LILRB2: variants seen among roughly 807,000 people sequenced by gnomAD.
LILRB2 encodes leukocyte immunoglobulin-like receptor subfamily B member 2.
Under a neutral mutation model 72.7 loss-of-function variants are expected in LILRB2, and 47 were observed. The ratio of observed to expected loss-of-function variants is 0.65; its 90% confidence interval spans 0.51 to 0.82. The LOEUF (loss-of-function observed/expected upper bound fraction) is 0.82. Ranked by LOEUF, LILRB2 falls within the 40% of genes least tolerant of loss-of-function variation. LILRB2 has a pLI of 0.00. For missense variants in LILRB2, 767 were observed against 764.8 expected (o/e 1.00, Z -0.03); for synonymous variants, 279 against 313.7 (o/e 0.89, Z 1.17).
At position 54,276,883 on chromosome 19, in the gene LILRB2, G is replaced by A. The variant is rs774293321; in HGVS notation, c.1404C>T (p.Val468=). 8.7e-6 allele frequency: 14 copies of A among 1,614,034 alleles called. No homozygotes were observed. In the South Asian group the frequency reaches 1.3e-4, roughly 15 times the overall value. ...GGAGGAGGAGGAGGAGCAGTAGGAC[G>A]ACGGCCACCAAGATGCCGATCACAA... is the stretch of plus-strand genomic sequence containing the variant. ...LGVVIGILVA[V]VLLLLLLLLL... is the part of the protein sequence containing the mutation. The change falls in exon 10 of 14, where the codon GTC becomes GTT. Residue 468 remains valine (V), a synonymous_variant. Transcript: ENST00000314446.
At chr19:54,277,814 G>A in intron 8 of LILRB2, 75 bp downstream of exon 8, 3 of 1,365,442 alleles carry the variant, frequency 2.2e-6, no homozygotes, top group Non-Finnish European at 3.1e-6. Context: ...TGAAGGGAAT[G>A]GGATCCTCCT....
chr19:54,280,194 C>T (rs1324997273), intron 3 of LILRB2, 70 bp downstream of exon 3: 1 of 1,612,940 alleles, frequency 6.2e-7, no homozygotes, highest in Non-Finnish European at 8.5e-7. Context: ...TCCCCATCCC[C>T]AGCTGCACGG....
chr19:54,277,889 CA>C lies in LILRB2; in HGVS notation c.1308del (p.Gly437AlafsTer25). On this transcript the variant is annotated frameshift_variant and splice_region_variant, in exon 8 of 14. Transcript: ENST00000314446. LOFTEE classifies it high-confidence loss of function. ...CGAGCCAGAGGCCTCAGGGACTCAC[CA>C]GGTGTGGAGATGGGACCGGTGGGTG... is the stretch of plus-strand genomic sequence containing the variant. ...SPPPTGPISTPGPEDQPLTPT... is the reference protein window; with the variant it reads ...SPPPTGPISTXGPEDQPLTPT... 6.5e-7 allele frequency: 1 copy of C among 1,548,724 alleles called. No homozygotes were observed. Among genetic ancestry groups the C allele is most frequent in the Non-Finnish European group, 8.7e-7 (1 of 1,144,882 alleles).
Position 54,275,026 on chromosome 19 carries a change from G to T in LILRB2, c.1648-197C>A, listed in dbSNP as rs550786926. The T allele has an allele frequency of 1.1e-4, 174 of 1,608,708 alleles. No individual in the cohort carries two copies. The African/African-American group carries it at 2.0e-3, about 19-fold the overall frequency. On this transcript the variant is annotated intron_variant, in intron 13 of 13. Transcript: ENST00000314446. ...CCTAGGTCTGGAGTGTTTCACCGGG[G>T]CATATGTCACTGCCTGGGGGTCTTC...
In LILRB2 at chr19:54,275,881, A is replaced by G. The variant is rs1037976667; in HGVS notation, c.1647+70T>C. 12 of 1,574,322 alleles carry G rather than the reference A, an allele frequency of 7.6e-6. No homozygotes were observed. In the African/African-American group the frequency reaches 1.1e-4, roughly 14 times the overall value. Reference sequence around the variant, plus strand: ...TGCTGAGAGCCGGGGGAAGGAGGACAGAGAAGTCCTGCTGGATTAGATCTG... The same window carrying G: ...TGCTGAGAGCCGGGGGAAGGAGGACGGAGAAGTCCTGCTGGATTAGATCTG... On this transcript the variant is annotated intron_variant, in intron 13 of 13. Transcript: ENST00000314446.
At chr19:54,279,697 C>T (rs774032901) in intron 4 of LILRB2, 50 bp from the exon 5 acceptor site, 4 of 1,596,128 alleles carry the variant, frequency 2.5e-6, no homozygotes, top group Non-Finnish European at 3.4e-6. Flanking sequence ...CCTCCCACAT[C>T]ATCCCCAGGG....
intron 13 of LILRB2, 38 bp downstream of exon 13, chr19:54,275,913 G>A (rs1197286159): frequency 7.5e-6 from 12 of 1,608,940 alleles, no homozygotes; most frequent in Middle Eastern, 1.7e-4. Flanking sequence ...TCTGGCACCA[G>A]GAGGCCTTTG....
At position 54,275,849 on chromosome 19, in the gene LILRB2, G is replaced by C. The variant is rs933953770; in HGVS notation, c.1647+102C>G. ...CGTGCTGGACAAGGAGGGGTCCACCGTGACGATGCTGAGAGCCGGGGGAAG... is the reference window on the plus strand; with the variant it reads ...CGTGCTGGACAAGGAGGGGTCCACCCTGACGATGCTGAGAGCCGGGGGAAG... On this transcript the variant is annotated intron_variant, in intron 13 of 13. Coordinates refer to ENST00000314446, the MANE Select transcript of LILRB2 (RefSeq NM_001080978.4). The C allele has an allele frequency of 1.5e-5, 22 of 1,447,632 alleles. No homozygotes were observed. The African/African-American group carries it at 2.1e-4, about 14-fold the overall frequency. 89.7% of individuals were successfully genotyped at this position (1,447,632 alleles called of 1,614,324 possible). A position where few individuals can be genotyped will look rare whatever the true frequency, so the allele number is the denominator to read the frequency against.
rs879204879 is a variant in LILRB2 at position 54,275,759 on chromosome 19, C to T, written c.1647+192G>A. The T allele has an allele frequency of 6.0e-5, 47 of 787,886 alleles. 2 individuals carry two copies. Among genetic ancestry groups the T allele is most frequent in the African/African-American group, 1.2e-4 (7 of 58,336 alleles). 48.8% of individuals were successfully genotyped at this position (787,886 alleles called of 1,614,324 possible). ...GAGGATGAGGAGCAGGAAGGGGACC[C>T]GGGAGGAGGCCCACGAGGTCCCAGG... On this transcript the variant is annotated intron_variant, in intron 13 of 13. Transcript: ENST00000314446.
rs1408612820 is a variant in LILRB2, at chr19:54,278,559, T to C, written c.959A>G (p.Gln320Arg). Residue 320 changes from glutamine (Q) to arginine (R), a missense_variant, in exon 7 of 14, where the codon CAG (glutamine) becomes CGG (arginine). Transcript: ENST00000314446. ...TGAGATGAAGGGTGTGCCACGGATC[T>C]GTCCTGGAGAGAAGAAGGATGGGTG... ...SDPLDILITG[Q>R]IRGTPFISVQ... The C allele has an allele frequency of 6.2e-7, 1 of 1,613,454 alleles. No homozygotes were observed. The highest frequency in any genetic ancestry group is 8.5e-7 in the Non-Finnish European group (1 of 1,179,566).
chr19:54,277,819 C>T (rs1468356645), intron 8 of LILRB2, 70 bp downstream of exon 8: 16 of 1,379,976 alleles, frequency 1.2e-5, no homozygotes, highest in East Asian at 1.0e-4. Flanking sequence ...GGAATGGGAT[C>T]CTCCTGGACA....
At position 54,274,747 on chromosome 19, in the gene LILRB2, G is replaced by A; in HGVS notation, c.1730C>T (p.Pro577Leu). 1.9e-6 allele frequency: 3 copies of A among 1,614,010 alleles called. No individual in the cohort carries two copies. Among genetic ancestry groups the A allele is most frequent in the Non-Finnish European group, 2.5e-6 (3 of 1,179,998 alleles). Residue 577 changes from proline to leucine, a missense_variant, in exon 14 of 14, where the codon CCT (proline) becomes CTT (leucine). By Grantham distance (98) the Pro-to-Leu change is moderately conservative. Coordinates refer to ENST00000314446, the MANE Select transcript of LILRB2 (RefSeq NM_001080978.4). ...LTLRRKATEP[P>L]PSQEREPPAE... ...TGGAGGTTCCCTTTCCTGGGATGGA[G>A]GAGGCTCAGTTGCCTTCCGTCTGAG...
In LILRB2 at chr19:54,277,955, A is replaced by C; in HGVS notation, c.1259-16T>G. The C allele has an allele frequency of 1.3e-6, 2 of 1,490,260 alleles. No individual in the cohort carries two copies. Among genetic ancestry groups the C allele is most frequent in the Non-Finnish European group, 1.8e-6 (2 of 1,116,746 alleles). The allele number at this position is 1,490,260 out of a possible 1,614,324, so 92.3% of individuals were successfully genotyped here. On this transcript the variant is annotated splice_polypyrimidine_tract_variant and intron_variant, in intron 7 of 13. Coordinates refer to ENST00000314446, the MANE Select transcript of LILRB2 (RefSeq NM_001080978.4). ...ATGGAGGGTCCTGGGTGAAAGAATG[A>C]GAGGAGGGTGAGGAGCTGGGGCTTT...
chr19:54,274,466 T>G lies in LILRB2; in HGVS notation c.*217A>C. On this transcript the variant is annotated 3_prime_UTR_variant, in exon 14 of 14. Coordinates refer to ENST00000314446, the MANE Select transcript of LILRB2 (RefSeq NM_001080978.4). ...TTAGTTTTCTCGGTTAACTCATTGA[T>G]TATTGAGAAGTCTGTTGCTTTAATT... The G allele has an allele frequency of 1.2e-6, 1 of 825,354 alleles. No individual in the cohort carries two copies. The highest frequency in any genetic ancestry group is 1.8e-6 in the Non-Finnish European group (1 of 549,372). The allele number at this position is 825,354 out of a possible 1,614,324, so 51.1% of individuals were successfully genotyped here.
In LILRB2 at chr19:54,274,560, T is replaced by A; in HGVS notation, c.*123A>T. ...GAGTCCCAAAGTTCCCAGCATCTCC[T>A]CATGGTCTTTGTTAGGGGTCCAGGC... On this transcript the variant is annotated 3_prime_UTR_variant, in exon 14 of 14. Coordinates refer to ENST00000314446, the MANE Select transcript of LILRB2 (RefSeq NM_001080978.4). 6.5e-7 allele frequency: 1 copy of A among 1,538,158 alleles called. No individual in the cohort carries two copies. Among genetic ancestry groups the A allele is most frequent in the Non-Finnish European group, 8.8e-7 (1 of 1,138,774 alleles).
At chr19:54,274,967 C>T (rs1326908370) in intron 13 of LILRB2, 138 bp from the exon 14 acceptor site, 20 of 1,609,860 alleles carry the variant, frequency 1.2e-5, no homozygotes, top group Admixed American at 8.3e-5. Flanking sequence ...AGGAATTCCC[C>T]GGACAGTGGG....
At chr19:54,279,709 T>C (rs1348214238) in intron 4 of LILRB2, 62 bp from the exon 5 acceptor site, 59 of 1,606,234 alleles carry the variant, frequency 3.7e-5, no homozygotes, top group Non-Finnish European at 4.4e-5. Flanking sequence ...TCCCCAGGGC[T>C]GGGCTGTGAG....
chr19:54,279,944 A>G lies in LILRB2; in HGVS notation c.202T>C (p.Ser68Pro). The change falls in exon 4 of 14, where the codon TCT becomes CCT. Residue 68 changes from serine to proline, a missense_variant. Physicochemically the swap from Ser to Pro is moderately conservative, Grantham distance 74. This residue lies in a region of LILRB2 where 599 missense variants were observed against 568.2 expected (regional missense o/e 1.05). Transcript: ENST00000314446. ...YRLYREKKSA[S>P]WITRIRPELV... The stretch of plus-strand genomic sequence containing the variant: ...TCTGGTCGTATCCGTGTAATCCAAG[A>G]TGCTGATTTTTTCTCCCTATATAGA... 2 of 1,613,970 alleles carry G rather than the reference A, an allele frequency of 1.2e-6. No individual in the cohort carries two copies. Among genetic ancestry groups the G allele is most frequent in the Non-Finnish European group, 1.7e-6 (2 of 1,179,954 alleles).
chr19:54,280,040 C>T lies in LILRB2; in HGVS notation c.106G>A (p.Asp36Asn). ...GGACTCCCCTGGGTGATCACAGAGT[C>T]TGGCTCAGCCCACAGGGTGGGCTTG... is the stretch of plus-strand genomic sequence containing the variant. ...IPKPTLWAEP[D>N]SVITQGSPVT... Residue 36 changes from aspartate (D) to asparagine (N), a missense_variant, in exon 4 of 14, where the codon GAC becomes AAC. By Grantham distance (23) the Asp-to-Asn change is conservative (BLOSUM62 1). Around this residue, in one of 3 missense-constraint regions of LILRB2, gnomAD observed 599 missense variants for 568.2 expected, o/e 1.05. Transcript: ENST00000314446. The T allele has an allele frequency of 6.2e-7, 1 of 1,614,110 alleles. No homozygotes were observed. Among genetic ancestry groups the T allele is most frequent in the Non-Finnish European group, 8.5e-7 (1 of 1,179,994 alleles).
Sources: gnomAD v4.1 joint callset for allele counts on GRCh38, gnomAD v4.1.1 for gene constraint, gnomAD v4.1.1 regional missense constraint, MANE v1.5 for transcripts, NCBI Gene and HGNC (gene_info 2026-07-23, HGNC 2026-07-21) for gene names.